Variants in CAND2 observed in about 807,000 individuals in gnomAD.
The protein encoded by CAND2 is cullin-associated NEDD8-dissociated protein 2.
Under a neutral mutation model 98.9 loss-of-function variants are expected in CAND2, and 62 were observed. That is an observed-to-expected ratio of 0.63 (90% CI 0.51 to 0.77). The LOEUF is 0.77. Ranked by LOEUF, CAND2 falls within the 30% of genes least tolerant of loss-of-function variation. CAND2 has a pLI of 0.00. For synonymous variants in CAND2, 770 were observed against 731.9 expected, an observed-to-expected ratio of 1.05 and a Z score of -0.84; for missense variants, 1,501 against 1,655.2, an observed-to-expected ratio of 0.91 and a Z score of 1.62.
At position 12,807,404 on chromosome 3, in the gene CAND2, A is replaced by T. The variant is rs1270290619; in HGVS notation, c.311A>T (p.Asp104Val). Residue 104 changes from aspartate (D) to valine (V), a missense_variant, in exon 3 of 15, where the codon GAC becomes GTC. Transcript: ENST00000456430. ...NMRSDKEQLR[D>V]IAGIGLKTVL... ...CGGTCAGACAAGGAGCAGCTGCGAGACATTGCCGGCATTGGCCTCAAGACC... is the reference window on the plus strand; with the variant it reads ...CGGTCAGACAAGGAGCAGCTGCGAGTCATTGCCGGCATTGGCCTCAAGACC... 1 of 1,551,608 alleles carries T rather than the reference A, an allele frequency of 6.4e-7. No homozygotes were observed. Among genetic ancestry groups the T allele is most frequent in the African/African-American group, 1.4e-5 (1 of 73,026 alleles).
chr3:12,796,775 G>C lies in CAND2; in HGVS notation c.55G>C (p.Asp19His). The C allele has an allele frequency of 1.3e-6, 2 of 1,588,448 alleles. No individual in the cohort carries two copies. The highest frequency in any genetic ancestry group is 1.7e-6 in the Non-Finnish European group (2 of 1,166,950). ...SSLLEKMTSS[D>H]KDFRFMATSD... ...CCTCCTGGAGAAGATGACGTCCAGC[G>C]ACAAGGACTTCAGGTGCAGCCCGCC... Residue 19 changes from aspartate to histidine, a missense_variant, in exon 1 of 15, where the codon GAC (aspartate) becomes CAC (histidine). Coordinates refer to ENST00000456430, the MANE Select transcript of CAND2 (RefSeq NM_001162499.2).
rs756325872 is a variant in CAND2 at position 12,816,407 on chromosome 3, C to T, written c.1475C>T (p.Ser492Phe). The part of the protein sequence containing the change: ...IIFSLADRSS[S>F]STIRMDALAF... ...TTCTCGCTGGCCGACCGCTCCAGCTCCTCCACCATCCGGATGGATGCCCTG... is the reference window on the plus strand; with the variant it reads ...TTCTCGCTGGCCGACCGCTCCAGCTTCTCCACCATCCGGATGGATGCCCTG... Residue 492 changes from serine (S) to phenylalanine (F), a missense_variant, in exon 10 of 15, where the codon TCC becomes TTC. Coordinates refer to ENST00000456430, the MANE Select transcript of CAND2 (RefSeq NM_001162499.2). 5.0e-6 allele frequency: 8 copies of T among 1,613,480 alleles called. No individual in the cohort carries two copies. Among genetic ancestry groups the T allele is most frequent in the Admixed American group, 1.7e-5 (1 of 60,008 alleles).
At position 12,834,209 on chromosome 3, in the gene CAND2, G is replaced by A; in HGVS notation, c.*227G>A. 1.8e-6 allele frequency: 1 copy of A among 568,502 alleles called. No individual in the cohort carries two copies. Among genetic ancestry groups the A allele is most frequent in the Non-Finnish European group, 3.2e-6 (1 of 317,440 alleles). 35.2% of individuals were successfully genotyped at this position (568,502 alleles called of 1,614,324 possible). The stretch of plus-strand genomic sequence containing the variant: ...CAGTTGGGCCCCTTCCTTAACTCAG[G>A]ACAGTCATCCAAAGAAATAGGGTGA... On this transcript the variant is annotated 3_prime_UTR_variant, in exon 15 of 15. Transcript: ENST00000456430.
In CAND2 at chr3:12,815,851, C is replaced by T; in HGVS notation, c.1300-16C>T. On this transcript the variant is annotated splice_polypyrimidine_tract_variant and intron_variant, in intron 8 of 14. Transcript: ENST00000456430. The surrounding 1 kb of genome is among the most constrained non-coding windows in gnomAD (Gnocchi z 5.7). Reference sequence around the variant, plus strand: ...TTGGGTGTTCCCTGACCTTGACTTCCCCCTCCTGCCCACAGGTGCCCCTTG... The same window carrying T: ...TTGGGTGTTCCCTGACCTTGACTTCTCCCTCCTGCCCACAGGTGCCCCTTG... The T allele has an allele frequency of 6.2e-7, 1 of 1,608,500 alleles. No individual in the cohort carries two copies. The highest frequency in any genetic ancestry group is 8.5e-7 in the Non-Finnish European group (1 of 1,176,182).
chr3:12,808,355 A>G, intron 4 of CAND2, 22 bp downstream of exon 4: 1 of 1,550,144 alleles, frequency 6.5e-7, no homozygotes, highest in Non-Finnish European at 8.7e-7. Flanking sequence ...CATCCTGGGT[A>G]TTGAGGAAGA....
intron 1 of CAND2, among the ~76,000 whole-genome samples, chr3:12,801,015 G>A (rs970576395): frequency 1.3e-5 from 2 of 148,382 alleles, no homozygotes; most frequent in Admixed American, 1.4e-4. Flanking sequence ...GAGCTGCTGC[G>A]CCCAGCCTGG....
chr3:12,831,998 G>C (rs901189049), intron 14 of CAND2, among the ~76,000 whole-genome samples: 1 of 152,242 alleles, frequency 6.6e-6, no homozygotes, highest in Non-Finnish European at 1.5e-5. Context: ...TGGAGTGCCT[G>C]AAGGGTCTGG....
intron 11 of CAND2, among the ~76,000 whole-genome samples, chr3:12,821,053 G>T (rs1052203041): frequency 6.6e-6 from 1 of 152,148 alleles, no homozygotes; most frequent in African/African-American, 2.4e-5. Context: ...GGCCAACACG[G>T]TGAAACCCTG....
chr3:12,802,079 G>A (rs1342831330), intron 1 of CAND2, among the ~76,000 whole-genome samples: 2 of 152,188 alleles, frequency 1.3e-5, no homozygotes, highest in African/African-American at 4.8e-5. Context: ...TGTAATCCTA[G>A]CATTTTGGGA....
intron 14 of CAND2, among the ~76,000 whole-genome samples, chr3:12,833,129 A>C (rs1406196712): frequency 6.6e-6 from 1 of 152,202 alleles, no homozygotes; most frequent in Admixed American, 6.5e-5. Context: ...ACTGCATTGA[A>C]TTCTTTAGGA....
At chr3:12,824,857 G>A (rs2061987199) in intron 11 of CAND2, among the ~76,000 whole-genome samples, 1 of 151,754 alleles carries the variant, frequency 6.6e-6, no homozygotes, top group South Asian at 2.1e-4. Context: ...GCAGTGTGCC[G>A]AGATCACACC....
chr3:12,818,066 A>G (rs550173195), intron 10 of CAND2, among the ~76,000 whole-genome samples, 190 bp downstream of exon 10: 1 of 152,332 alleles, frequency 6.6e-6, no homozygotes, highest in African/African-American at 2.4e-5. Context: ...CCTTCCTCCT[A>G]TGGGACTGTG....
In CAND2 at chr3:12,815,768, T is replaced by G. The variant is rs1332196897; in HGVS notation, c.1300-99T>G. On this transcript the variant is annotated intron_variant, in intron 8 of 14. Coordinates refer to ENST00000456430, the MANE Select transcript of CAND2 (RefSeq NM_001162499.2). This position sits in a 1 kb window ranked among gnomAD's most constrained non-coding sequence, Gnocchi z 5.7. ...CTTGGGAGATATCTTGATGCCGACA[T>G]CCTCCCTGGGGATGTGTCTGGCAAA... The G allele has an allele frequency of 1.0e-5, 12 of 1,178,086 alleles. No homozygotes were observed. The highest frequency in any genetic ancestry group is 4.2e-5 in the Admixed American group (2 of 47,234). The allele number at this position is 1,178,086 out of a possible 1,614,324, so 73.0% of individuals were successfully genotyped here.
chr3:12,822,567 G>A lies in CAND2; in HGVS notation c.3040+2386G>A, dbSNP rs1033341186. Among the ~76,000 whole-genome samples the A allele has an allele frequency of 2.0e-5, 3 of 152,132 alleles. No homozygotes were observed. In the South Asian group the frequency reaches 6.2e-4, roughly 32 times the overall value. ...ACTCACCTTAGCCTCCCAAAGTGCT[G>A]GGATTCCAGACGTGAGCCCCCGTGC... is the stretch of plus-strand genomic sequence containing the variant. On this transcript the variant is annotated intron_variant, in intron 11 of 14. Transcript: ENST00000456430.
At chr3:12,810,430 C>A in intron 5 of CAND2, 106 bp downstream of exon 5, 1 of 1,024,780 alleles carries the variant, frequency 9.8e-7, no homozygotes, top group East Asian at 5.0e-5. Context: ...CAGCCAGGGC[C>A]TAAGGGTGGG....
chr3:12,800,082 C>A (rs117798129), intron 1 of CAND2, among the ~76,000 whole-genome samples: 1 of 152,288 alleles, frequency 6.6e-6, no homozygotes, highest in East Asian at 1.9e-4. Context: ...GCTGAGCAGA[C>A]GTAGGGGTGC....
intron 7 of CAND2, 36 bp downstream of exon 7, chr3:12,813,424 G>A: frequency 1.3e-6 from 2 of 1,598,856 alleles, no homozygotes; most frequent in Non-Finnish European, 1.7e-6. Context: ...TTGGAGGGTG[G>A]AGGTGAACAC....
intron 5 of CAND2, 92 bp downstream of exon 5, chr3:12,810,416 A>G: frequency 2.0e-6 from 2 of 1,024,708 alleles, no homozygotes; most frequent in East Asian, 8.9e-5. Flanking sequence ...CTTGGGCCGC[A>G]GTGCAGCCAG....
At chr3:12,830,590 G>A (rs1296407551) in intron 13 of CAND2, among the ~76,000 whole-genome samples, 4 of 152,232 alleles carry the variant, frequency 2.6e-5, no homozygotes, top group African/African-American at 9.6e-5. Context: ...CTAGGCACCA[G>A]TGCAGCCTTG....
Sources: allele counts gnomAD v4.1 joint callset (sites outside exome capture counted in the v4.1 genomes callset), GRCh38; gene constraint gnomAD v4.1.1; non-coding constraint Gnocchi (gnomAD v3.1); transcripts MANE v1.5; gene names NCBI Gene and HGNC (gene_info 2026-07-23, HGNC 2026-07-21).